Variants in PTPRD observed in about 807,000 individuals in gnomAD.
The protein encoded by PTPRD is protein tyrosine phosphatase receptor type D, also known as receptor-type tyrosine-protein phosphatase delta.
PTPRD carries 34 observed loss-of-function variants against 214.5 expected under a neutral mutation model. That is an observed-to-expected ratio of 0.16 (90% confidence interval 0.12 to 0.21). The LOEUF (loss-of-function observed/expected upper bound fraction) is 0.21, where lower values mean the gene tolerates loss of function less well. Ranked by LOEUF, PTPRD falls within the 10% of genes least tolerant of loss-of-function variation. PTPRD has a pLI of 1.00. For synonymous variants in PTPRD, 1,128 were observed against 845.7 expected (o/e 1.33, Z -5.79); for missense variants, 2,545 against 2,398.7 (o/e 1.06, Z -1.27).
intron 2 of PTPRD, among the ~76,000 whole-genome samples, chr9:10,550,799 A>C (rs1310086405): frequency 6.6e-6 from 1 of 152,236 alleles, no homozygotes; most frequent in Non-Finnish European, 1.5e-5. Flanking sequence ...TTGGTTGGGC[A>C]AAAGAAAGGT....
intron 8 of PTPRD, among the ~76,000 whole-genome samples, chr9:9,544,860 G>C (rs1462601476): frequency 1.3e-5 from 2 of 151,288 alleles, no homozygotes; most frequent in Non-Finnish European, 1.5e-5. Context: ...TTAAAAAGTA[G>C]GAAATCTGAG....
intron 26 of PTPRD, among the ~76,000 whole-genome samples, chr9:8,494,887 G>A (rs2097227420): frequency 6.6e-6 from 1 of 152,048 alleles, no homozygotes; most frequent in Non-Finnish European, 1.5e-5. Context: ...AGTATGCTCT[G>A]TGAGGTGATG....
intron 2 of PTPRD, among the ~76,000 whole-genome samples, chr9:10,460,595 C>T (rs2098951394): frequency 6.6e-6 from 1 of 151,994 alleles, no homozygotes; most frequent in South Asian, 2.1e-4. Flanking sequence ...TAATTTTTGA[C>T]AAGGGCACCA....
At chr9:10,540,799 G>C (rs2058935254) in intron 2 of PTPRD, among the ~76,000 whole-genome samples, 1 of 152,124 alleles carries the variant, frequency 6.6e-6, no homozygotes, top group East Asian at 1.9e-4. Context: ...GTGGTGTGTA[G>C]ACTCAGACTA....
intron 7 of PTPRD, among the ~76,000 whole-genome samples, chr9:9,683,787 T>C (rs973872579): frequency 2.6e-5 from 4 of 151,778 alleles, no homozygotes; most frequent in Non-Finnish European, 5.9e-5. Context: ...ATGTAATGTA[T>C]AATTTTATAC....
intron 5 of PTPRD, among the ~76,000 whole-genome samples, chr9:9,771,863 GAAC>G (rs748588778): frequency 4.6e-5 from 7 of 151,992 alleles, no homozygotes; most frequent in East Asian, 1.9e-4. Context: ...AATAAATCCA[GAAC>G]AATAAGTGTG....
chr9:9,552,803 C>T (rs902252812), intron 8 of PTPRD, among the ~76,000 whole-genome samples: 1 of 152,088 alleles, frequency 6.6e-6, no homozygotes, highest in African/African-American at 2.4e-5. Flanking sequence ...CAGCACTTTG[C>T]TTCATTTCCT....
chr9:8,976,529 T>A (rs2099268949), intron 11 of PTPRD, among the ~76,000 whole-genome samples: 1 of 152,122 alleles, frequency 6.6e-6, no homozygotes, highest in South Asian at 2.1e-4. Flanking sequence ...CCACAGCCAA[T>A]ACAAGTATTT....
rs1212569249 is a variant in PTPRD, at chr9:8,717,412, A to G, written c.64+16368T>C. Among the ~76,000 whole-genome samples the G allele has an allele frequency of 2.0e-5, 3 of 152,260 alleles. No individual in the cohort carries two copies. The East Asian group carries it at 5.8e-4, about 30-fold the overall frequency. ...TCCACCTCTTGAATAAGTTTTGTATAGGGTCCTTTGGTATCCCATATTCAA... is the reference window on the plus strand; with the variant it reads ...TCCACCTCTTGAATAAGTTTTGTATGGGGTCCTTTGGTATCCCATATTCAA... On this transcript the variant is annotated intron_variant, in intron 12 of 45. Coordinates refer to ENST00000381196, the MANE Select transcript of PTPRD (RefSeq NM_002839.4).
At chr9:10,595,734 T>G (rs571238943) in intron 2 of PTPRD, among the ~76,000 whole-genome samples, 15 of 151,816 alleles carry the variant, frequency 9.9e-5, no homozygotes, top group African/African-American at 3.4e-4. Flanking sequence ...CATCTTAAAG[T>G]GGATTTTAAA....
intron 10 of PTPRD, among the ~76,000 whole-genome samples, chr9:9,160,994 A>G (rs1418236267): frequency 6.6e-6 from 1 of 152,178 alleles, no homozygotes; most frequent in African/African-American, 2.4e-5. Context: ...TTGATCTCAT[A>G]GAAGTAGAGA....
intron 17 of PTPRD, among the ~76,000 whole-genome samples, chr9:8,525,393 T>A (rs1420028709): frequency 6.6e-6 from 1 of 152,102 alleles, no homozygotes; most frequent in African/African-American, 2.4e-5. Context: ...TTTGGTTTTG[T>A]TTTGTTTCAT....
intron 11 of PTPRD, among the ~76,000 whole-genome samples, chr9:8,821,865 A>G (rs2097073619): frequency 6.6e-6 from 1 of 152,150 alleles, no homozygotes; most frequent in Non-Finnish European, 1.5e-5. Flanking sequence ...GGGTTTCACC[A>G]TCTTGGCCAG....
intron 7 of PTPRD, among the ~76,000 whole-genome samples, chr9:9,658,176 G>A (rs1334108328): frequency 6.6e-6 from 1 of 151,914 alleles, no homozygotes; most frequent in Non-Finnish European, 1.5e-5. Context: ...TTTCATCATT[G>A]ATATAATCAA....
chr9:9,612,500 A>C (rs182356390), intron 7 of PTPRD, among the ~76,000 whole-genome samples: 1 of 152,290 alleles, frequency 6.6e-6, no homozygotes, highest in East Asian at 1.9e-4. Context: ...TAAAAACTCA[A>C]AGGGCAAGTA....
chr9:10,476,198 C>G (rs1168689591), intron 2 of PTPRD, among the ~76,000 whole-genome samples: 6 of 152,154 alleles, frequency 3.9e-5, no homozygotes, highest in Non-Finnish European at 8.8e-5. Flanking sequence ...CAAATTGTCT[C>G]TGTTTGCAGA....
chr9:8,789,089 G>A (rs1301819092), intron 11 of PTPRD, among the ~76,000 whole-genome samples: 2 of 152,124 alleles, frequency 1.3e-5, no homozygotes, highest in Non-Finnish European at 2.9e-5. Context: ...CTTAGAGGAA[G>A]CCAGTTGACT....
chr9:9,495,519 C>T (rs1397463484), intron 8 of PTPRD, among the ~76,000 whole-genome samples: 1 of 152,072 alleles, frequency 6.6e-6, no homozygotes, highest in South Asian at 2.1e-4. Flanking sequence ...AGACCCCAGA[C>T]TCAGTCGGTA....
In PTPRD at chr9:9,476,049, C is replaced by CA. The variant is rs1367659538; in HGVS notation, c.-236-78568dup. ...ATATCTACTGATATATTAAAAGGGC[C>CA]ATTTATGAATATGAGAATTGAAGTT... On this transcript the variant is annotated intron_variant, in intron 8 of 45. Coordinates refer to ENST00000381196, the MANE Select transcript of PTPRD (RefSeq NM_002839.4). Among the ~76,000 whole-genome samples the CA allele has an allele frequency of 5.3e-5, 8 of 152,102 alleles. No individual in the cohort carries two copies. The East Asian group carries it at 1.5e-3, about 29-fold the overall frequency.
Sources: gnomAD v4.1 joint callset for allele counts (sites outside exome capture counted in the v4.1 genomes callset) on GRCh38, gnomAD v4.1.1 for gene constraint, MANE v1.5 for transcripts, NCBI Gene and HGNC (gene_info 2026-07-23, HGNC 2026-07-21) for gene names.